The following DCLRE1C variants were observed in gnomAD, a reference collection of about 807,000 sequenced individuals.
The protein encoded by DCLRE1C is DNA cross-link repair 1C.
In DCLRE1C, 47 loss-of-function variants were observed where a neutral mutation model predicts 61.4. The ratio of observed to expected loss-of-function variants is 0.77; its 90% CI spans 0.61 to 0.98. The LOEUF (loss-of-function observed/expected upper bound fraction) is 0.98. Among genes scored for constraint, DCLRE1C ranks in the 50% least tolerant of loss-of-function variants. The probability of loss-of-function intolerance (pLI) is 0.00; values close to 1 mark genes in which losing one functional copy is unlikely to be tolerated. For missense variants in DCLRE1C, 858 were observed against 816.0 expected, an observed-to-expected ratio of 1.05 and a Z score of -0.63; for synonymous variants, 337 against 287.6, an observed-to-expected ratio of 1.17 and a Z score of -1.74.
intron 3 of DCLRE1C, among the ~76,000 whole-genome samples, chr10:14,944,274 G>A (rs1000855070): frequency 6.6e-6 from 1 of 152,094 alleles, no homozygotes; most frequent in Non-Finnish European, 1.5e-5. Context: ...CAAGGTGGGT[G>A]GATCACCTGA....
chr10:14,933,089 T>A, intron 8 of DCLRE1C, 134 bp from the exon 9 acceptor site: 1 of 962,520 alleles, frequency 1.0e-6, no homozygotes, highest in Non-Finnish European at 1.6e-6. Context: ...AGTTTTTGGC[T>A]ATTCAGTGCA....
chr10:14,927,902 A>T, intron 10 of DCLRE1C, 114 bp downstream of exon 10: 1 of 727,018 alleles, frequency 1.4e-6, no homozygotes, highest in Non-Finnish European at 1.9e-6. Flanking sequence ...TTAAGAAATT[A>T]ATTATAATAT....
rs1056418621 is a variant in DCLRE1C at position 14,909,066 on chromosome 10, C to T, written c.1421G>A (p.Gly474Asp). ...GIPASLQGDL[G>D]SVLHLQKADG... is the part of the protein sequence containing the mutation. ...AGCCTTTTGCAGGTGAAGTACAGAG[C>T]CCAGATCTCCTTGCAGTGAAGCTGG... The change falls in exon 14 of 14, where the codon GGC becomes GAC. Residue 474 changes from glycine (G) to aspartate (D), a missense_variant. Gly to Asp is a moderately conservative substitution (Grantham distance 94, BLOSUM62 -1). Transcript: ENST00000378278. 1 of 1,614,184 alleles carries T rather than the reference C, an allele frequency of 6.2e-7. No homozygotes were observed. The highest frequency in any genetic ancestry group is 8.5e-7 in the Non-Finnish European group (1 of 1,180,024).
At chr10:14,919,648 GCCCAAGGCCACTT>G in intron 13 of DCLRE1C, 77 bp downstream of exon 13, 1 of 995,312 alleles carries the variant, frequency 1.0e-6, no homozygotes, top group Non-Finnish European at 1.6e-6. Context: ...GGTCCACTCT[GCCCAAGGCCACTT>G]CTCCCAGACC....
Position 14,932,899 on chromosome 10 carries a change from G to C in DCLRE1C, c.735C>G (p.Leu245=), listed in dbSNP as rs1839266310. ...FRNMPEILHH[L]TTDRNTQIHA... ...GGATCTGAGTGTTGCGGTCTGTTGT[G>C]AGATGATGAAGGATCTCAGGCATGT... is the stretch of plus-strand genomic sequence containing the variant. Residue 245 remains leucine, a synonymous_variant, in exon 9 of 14, where the codon CTC becomes CTG. Transcript: ENST00000378278. 1 of 1,614,084 alleles carries C rather than the reference G, an allele frequency of 6.2e-7. No individual in the cohort carries two copies. Among genetic ancestry groups the C allele is most frequent in the African/African-American group, 1.3e-5 (1 of 74,926 alleles).
intron 11 of DCLRE1C, 28 bp from the exon 12 acceptor site, chr10:14,923,097 A>G (rs374088778): frequency 5.2e-6 from 8 of 1,530,528 alleles, no homozygotes; most frequent in Non-Finnish European, 7.2e-6. Flanking sequence ...ACATGGATCA[A>G]CAATCTCTAC....
rs1036477494 is a variant in DCLRE1C at position 14,907,061 on chromosome 10, G to C, written c.*1347C>G. Among the ~76,000 whole-genome samples the C allele has an allele frequency of 6.6e-6, 1 of 151,668 alleles. No individual in the cohort carries two copies. The highest frequency in any genetic ancestry group is 2.4e-5 in the African/African-American group (1 of 41,278). ...CATTTTGTGGAGACAGGGTCTCCCT[G>C]TGTGTTGCCCAGGCTGGACTCAAAA... is the stretch of plus-strand genomic sequence containing the variant. On this transcript the variant is annotated 3_prime_UTR_variant, in exon 14 of 14. Coordinates refer to ENST00000378278, the MANE Select transcript of DCLRE1C (RefSeq NM_001033855.3).
At position 14,953,965 on chromosome 10, in the gene DCLRE1C, T is replaced by G. The variant is rs759129037; in HGVS notation, c.46A>C (p.Ile16Leu). The G allele has an allele frequency of 3.7e-6, 6 of 1,613,792 alleles. No individual in the cohort carries two copies. The highest frequency in any genetic ancestry group is 5.1e-6 in the Non-Finnish European group (6 of 1,179,864). The change falls in exon 1 of 14, where the codon ATA becomes CTA. Residue 16 changes from isoleucine (I) to leucine (L), a missense_variant. Transcript: ENST00000378278. ...AGGTTCTCCCTATCGAAGCGGTCTA[T>G]GGAGATAGTTGGATACTCGGCCATC... ...GQMAEYPTIS[I>L]DRFDRENLRA...
At chr10:14,914,114 G>C (rs1304672398) in intron 13 of DCLRE1C, among the ~76,000 whole-genome samples, 7 of 152,036 alleles carry the variant, frequency 4.6e-5, no homozygotes, top group Admixed American at 4.6e-4. Flanking sequence ...AAAATACCAG[G>C]TTGGCCATAA....
downstream of DCLRE1C, among the ~76,000 whole-genome samples, chr10:14,902,027 T>C (rs117302616): frequency 0.016 from 2,432 of 152,342 alleles, 35 homozygotes; most frequent in Non-Finnish European, 0.021. Flanking sequence ...CTTTACATAT[T>C]GTCATTGCTT....
intron 6 of DCLRE1C, 104 bp from the exon 7 acceptor site, chr10:14,934,879 G>A: frequency 1.2e-6 from 1 of 818,624 alleles, no homozygotes; most frequent in Admixed American, 1.9e-5. Context: ...CCAGGCTGAA[G>A]TGCAATGTCT....
At chr10:14,952,607 T>C (rs41304300) in intron 1 of DCLRE1C, among the ~76,000 whole-genome samples, 43 of 151,864 alleles carry the variant, frequency 2.8e-4, no homozygotes, top group African/African-American at 8.9e-4. Context: ...AATACAAACA[T>C]TAGCTAGGCA....
chr10:14,917,085 A>T (rs897074904), intron 13 of DCLRE1C, among the ~76,000 whole-genome samples: 1 of 152,226 alleles, frequency 6.6e-6, no homozygotes, highest in Non-Finnish European at 1.5e-5. Context: ...GAATCCAGAA[A>T]ATAATCTCCA....
chr10:14,953,333 G>A (rs1842733187), intron 1 of DCLRE1C, among the ~76,000 whole-genome samples: 1 of 152,160 alleles, frequency 6.6e-6, no homozygotes, highest in Non-Finnish European at 1.5e-5. Flanking sequence ...GGATCCAGCT[G>A]TGAAATCATA....
intron 13 of DCLRE1C, among the ~76,000 whole-genome samples, chr10:14,915,989 A>G (rs1357354599): frequency 1.3e-5 from 2 of 152,208 alleles, no homozygotes; most frequent in Non-Finnish European, 2.9e-5. Flanking sequence ...AACAGAGTAT[A>G]AAGAAAAACA....
chr10:14,900,260 C>A (rs1243911401), downstream of DCLRE1C, among the ~76,000 whole-genome samples: 7 of 152,104 alleles, frequency 4.6e-5, no homozygotes, highest in Non-Finnish European at 8.8e-5. Context: ...TAAATAATTT[C>A]CAAAAATTAG....
At chr10:14,924,019 T>A (rs1837548526) in intron 11 of DCLRE1C, among the ~76,000 whole-genome samples, 1 of 152,244 alleles carries the variant, frequency 6.6e-6, no homozygotes, top group Non-Finnish European at 1.5e-5. Flanking sequence ...ACCCCCATCA[T>A]GCTGTCTGAA....
chr10:14,909,510 T>A (rs1300241984), intron 13 of DCLRE1C, among the ~76,000 whole-genome samples, 180 bp from the exon 14 acceptor site: 1 of 151,658 alleles, frequency 6.6e-6, no homozygotes, highest in African/African-American at 2.4e-5. Flanking sequence ...CTTTTTATAA[T>A]AAATGCCAGA....
chr10:14,930,110 T>C (rs1276075984), intron 9 of DCLRE1C, among the ~76,000 whole-genome samples: 3 of 151,882 alleles, frequency 2.0e-5, no homozygotes, highest in African/African-American at 7.3e-5. Flanking sequence ...CAAAAAGGTG[T>C]ATGTTTTATT....
Sources: gnomAD v4.1 joint callset for allele counts (sites outside exome capture counted in the v4.1 genomes callset) on GRCh38, gnomAD v4.1.1 for gene constraint, MANE v1.5 for transcripts, NCBI Gene and HGNC (gene_info 2026-07-23, HGNC 2026-07-21) for gene names.